CFI: variants seen among roughly 807,000 people sequenced by gnomAD.
The protein encoded by CFI is complement factor I.
A neutral mutation model predicts 78.8 loss-of-function variants in CFI; 66 were observed. The observed-to-expected ratio is 0.84, with a 90% CI of 0.69 to 1.03. CFI has a LOEUF of 1.03. Among genes scored for constraint, CFI ranks in the 50% least tolerant of loss-of-function variants. The probability of loss-of-function intolerance (pLI) is 0.00; values close to 1 mark genes in which losing one functional copy is unlikely to be tolerated. For missense variants in CFI, 706 were observed against 704.5 expected (o/e 1.00, Z -0.02); for synonymous variants, 250 against 232.6 (o/e 1.07, Z -0.68).
intron 1 of CFI, among the ~76,000 whole-genome samples, chr4:109,795,089 C>T (rs777571160): frequency 6.6e-5 from 10 of 152,126 alleles, no homozygotes; most frequent in East Asian, 5.8e-4. Context: ...TATAGAGTTA[C>T]CCTTTACCCT....
At position 109,749,589 on chromosome 4, in the gene CFI, T is replaced by C. The variant is rs1395571724; in HGVS notation, c.954A>G (p.Ile318Met). ...TADMDAERRR[I>M]KSLLPKLSCG... ...AAGATAGTTTAGGTAATAATGATTT[T>C]ATCCGTCTTCTTTCTTCAAGAAAGG... The change falls in exon 9 of 13, where the codon ATA becomes ATG. Residue 318 changes from isoleucine to methionine, a missense_variant. Physicochemically the swap from Ile to Met is conservative, Grantham distance 10. Coordinates refer to ENST00000394634, the MANE Select transcript of CFI (RefSeq NM_000204.5). 1.3e-6 allele frequency: 2 copies of C among 1,599,882 alleles called. No individual in the cohort carries two copies. The highest frequency in any genetic ancestry group is 1.3e-5 in the African/African-American group (1 of 74,734).
intron 1 of CFI, among the ~76,000 whole-genome samples, chr4:109,767,842 T>C (rs1727978147): frequency 6.6e-6 from 1 of 152,106 alleles, no homozygotes; most frequent in Non-Finnish European, 1.5e-5. Context: ...CGTATGTTTA[T>C]TGCGGCACTA....
At chr4:109,780,549 G>A (rs1560558460) in intron 1 of CFI, among the ~76,000 whole-genome samples, 1 of 152,150 alleles carries the variant, frequency 6.6e-6, no homozygotes, top group African/African-American at 2.4e-5. Context: ...ATTGTTGGTG[G>A]GACTATAAAG....
intron 7 of CFI, among the ~76,000 whole-genome samples, chr4:109,755,013 G>A (rs887774546): frequency 1.3e-5 from 2 of 152,152 alleles, no homozygotes; most frequent in Non-Finnish European, 2.9e-5. Flanking sequence ...ATGGAAGAAG[G>A]TATCTGTAAT....
chr4:109,800,198 C>G (rs1405059639), intron 1 of CFI, among the ~76,000 whole-genome samples: 2 of 151,850 alleles, frequency 1.3e-5, no homozygotes, highest in Non-Finnish European at 2.9e-5. Flanking sequence ...AAAATGCCAC[C>G]CATATGTGCC....
intron 7 of CFI, among the ~76,000 whole-genome samples, chr4:109,757,148 C>T (rs563742657): frequency 7.8e-4 from 119 of 151,926 alleles, no homozygotes; most frequent in African/African-American, 2.7e-3. Flanking sequence ...CCTGCCTCAG[C>T]CTCCCAAGTA....
At chr4:109,741,180 A>C in intron 12 of CFI, 70 bp from the exon 13 acceptor site, 1 of 1,608,152 alleles carries the variant, frequency 6.2e-7, no homozygotes, top group South Asian at 1.1e-5. Flanking sequence ...TGCCTCCTCC[A>C]TGGCATTTAA....
At chr4:109,760,731 A>C (rs1726951992) in intron 4 of CFI, 95 bp from the exon 5 acceptor site, 1 of 765,700 alleles carries the variant, frequency 1.3e-6, no homozygotes, top group African/African-American at 1.7e-5. Context: ...ATTAAGAGAA[A>C]GTTAAACTTC....
At chr4:109,743,411 G>A (rs975344238) in intron 11 of CFI, among the ~76,000 whole-genome samples, 1 of 152,172 alleles carries the variant, frequency 6.6e-6, no homozygotes, top group African/African-American at 2.4e-5. Flanking sequence ...CTCTCCGACG[G>A]TAGCTGAGGC....
chr4:109,763,114 T>C (rs746045224), intron 3 of CFI, among the ~76,000 whole-genome samples: 1 of 152,114 alleles, frequency 6.6e-6, no homozygotes, highest in Non-Finnish European at 1.5e-5. Flanking sequence ...AACCAAGAAG[T>C]TGGTAAACAT....
intron 6 of CFI, 36 bp downstream of exon 6, chr4:109,760,234 A>G (rs761379262): frequency 1.4e-6 from 2 of 1,440,338 alleles, no homozygotes; most frequent in Non-Finnish European, 2.0e-6. Flanking sequence ...CCTGGATTCA[A>G]TAATGAAAAA....
intron 1 of CFI, among the ~76,000 whole-genome samples, chr4:109,781,099 A>C (rs940484198): frequency 6.6e-6 from 1 of 152,210 alleles, no homozygotes; most frequent in African/African-American, 2.4e-5. Context: ...ATACATATGT[A>C]ACAAAACTGC....
chr4:109,757,853 A>G (rs1726522145), intron 6 of CFI, 70 bp from the exon 7 acceptor site: 3 of 1,295,474 alleles, frequency 2.3e-6, no homozygotes, highest in East Asian at 2.5e-5. Flanking sequence ...ATAGCAATAT[A>G]CTATACATAT....
At chr4:109,765,099 GT>G (rs1727568085) in intron 2 of CFI, among the ~76,000 whole-genome samples, 1 of 152,198 alleles carries the variant, frequency 6.6e-6, no homozygotes, top group African/African-American at 2.4e-5. Context: ...GTATTCTCGT[GT>G]ATTTAAGGCA....
chr4:109,779,125 C>G (rs1055150783), intron 1 of CFI, among the ~76,000 whole-genome samples: 1 of 152,134 alleles, frequency 6.6e-6, no homozygotes, highest in African/African-American at 2.4e-5. Flanking sequence ...GTTGGAAGTT[C>G]TGAACAGGGC....
intron 1 of CFI, among the ~76,000 whole-genome samples, chr4:109,770,750 T>A (rs1728484994): frequency 6.6e-6 from 1 of 151,922 alleles, no homozygotes; most frequent in Non-Finnish European, 1.5e-5. Context: ...GGGAGAGGAC[T>A]GCAGGATATA....
At chr4:109,756,971 A>G (rs554911756) in intron 7 of CFI, among the ~76,000 whole-genome samples, 7 of 140,246 alleles carry the variant, frequency 5.0e-5, no homozygotes, top group East Asian at 4.5e-4. Context: ...GAAAGAAAGA[A>G]AGAAAGAAAT....
intron 1 of CFI, among the ~76,000 whole-genome samples, chr4:109,778,465 G>A (rs1729567806): frequency 2.0e-5 from 3 of 152,118 alleles, no homozygotes; most frequent in Admixed American, 6.6e-5. Flanking sequence ...CCAATAAGAG[G>A]TTCTGAAATT....
chr4:109,749,311 G>A lies in CFI; in HGVS notation c.1055C>T (p.Pro352Leu), dbSNP rs959381564. 1.9e-6 allele frequency: 3 copies of A among 1,613,942 alleles called. No homozygotes were observed. The highest frequency in any genetic ancestry group is 2.2e-5 in the East Asian group (1 of 44,876). Residue 352 changes from proline (P) to leucine (L), a missense_variant, in exon 10 of 13, where the codon CCA (proline) becomes CTA (leucine). By Grantham distance (98) the Pro-to-Leu change is moderately conservative. Coordinates refer to ENST00000394634, the MANE Select transcript of CFI (RefSeq NM_000204.5). ...GGCATCCTTAATTGCCACCTGCCAT[G>A]GGAGGTCTCCCTGTAAAAGACATTT... ...GGKRAQLGDL[P>L]WQVAIKDASG... is the part of the protein sequence containing the mutation.
Sources: gnomAD v4.1 joint callset for allele counts (sites outside exome capture counted in the v4.1 genomes callset) on GRCh38, gnomAD v4.1.1 for gene constraint, MANE v1.5 for transcripts, NCBI Gene and HGNC (gene_info 2026-07-23, HGNC 2026-07-21) for gene names.